The following NTMT2 variants were observed in gnomAD, a reference collection of about 807,000 sequenced individuals.
NTMT2 encodes N-terminal Xaa-Pro-Lys N-methyltransferase 2.
NTMT2 carries 21 observed loss-of-function variants against 23.4 expected under a neutral mutation model. The observed-to-expected ratio is 0.90, with a 90% CI of 0.64 to 1.29. The LOEUF (loss-of-function observed/expected upper bound fraction) is 1.29, where lower values mean the gene tolerates loss of function less well. Ranked by LOEUF, NTMT2 falls within the 50% of genes most tolerant of loss-of-function variation. The pLI, the probability that NTMT2 is intolerant of heterozygous loss-of-function variation, is 0.00. For missense variants in NTMT2, 336 were observed against 352.0 expected, an observed-to-expected ratio of 0.95 and a Z score of 0.36; for synonymous variants, 131 against 127.7, an observed-to-expected ratio of 1.03 and a Z score of -0.17.
At chr1:170,153,575 T>A (rs1388025131) in intron 1 of NTMT2, among the ~76,000 whole-genome samples, 2 of 152,232 alleles carry the variant, frequency 1.3e-5, no homozygotes, top group African/African-American at 4.8e-5. Flanking sequence ...TTGCATTGTA[T>A]CCATGTCCTA....
In NTMT2 at chr1:170,146,176, A is replaced by C. The variant is rs774765147; in HGVS notation, c.69A>C (p.Arg23Ser). ...RWQKTDDELC[R>S]HSMSFILHKA... ...AGAAGACCGACGATGAACTCTGTAG[A>C]CATAGCATGTCTTTTATCCTTCACA... Residue 23 changes from arginine (R) to serine (S), a missense_variant, in exon 1 of 4, where the codon AGA (arginine) becomes AGC (serine). Transcript: ENST00000439373. The C allele has an allele frequency of 8.4e-6, 13 of 1,551,380 alleles. No individual in the cohort carries two copies. The African/African-American group carries it at 1.2e-4, about 15-fold the overall frequency.
intron 2 of NTMT2, among the ~76,000 whole-genome samples, chr1:170,162,729 A>G (rs957048381): frequency 5.3e-5 from 8 of 152,184 alleles, no homozygotes; most frequent in African/African-American, 1.4e-4. Flanking sequence ...TAAGTTGTCA[A>G]GATTACACAG....
chr1:170,168,092 T>C lies in NTMT2; in HGVS notation c.*335T>C, dbSNP rs1399654676. 6.6e-6 allele frequency among the ~76,000 whole-genome samples: 1 copy of C among 151,472 alleles called. No individual in the cohort carries two copies. The highest frequency in any genetic ancestry group is 1.5e-5 in the Non-Finnish European group (1 of 67,898). ...GACAGCTGGCCTGCATCAGTATTTG[T>C]AAAAATTGTCTTTCACAACATCCTA... On this transcript the variant is annotated 3_prime_UTR_variant, in exon 4 of 4. Transcript: ENST00000439373.
chr1:170,146,063 G>A lies in NTMT2; in HGVS notation c.-45G>A. 1.3e-6 allele frequency: 2 copies of A among 1,509,908 alleles called. No individual in the cohort carries two copies. Among genetic ancestry groups the A allele is most frequent in the Non-Finnish European group, 1.8e-6 (2 of 1,124,398 alleles). 93.5% of individuals were successfully genotyped at this position (1,509,908 alleles called of 1,614,324 possible). A position where few individuals can be genotyped will look rare whatever the true frequency, so the allele number is the denominator to read the frequency against. On this transcript the variant is annotated 5_prime_UTR_variant, in exon 1 of 4. Coordinates refer to ENST00000439373, the MANE Select transcript of NTMT2 (RefSeq NM_001136107.2). ...AAGGCTAATTCAAAGAAACAGCAAG[G>A]CAAGCTTCCTTTCTCTGTAGGAATC...
intron 1 of NTMT2, among the ~76,000 whole-genome samples, chr1:170,158,647 T>C (rs897098242): frequency 3.9e-5 from 6 of 152,036 alleles, no homozygotes; most frequent in Non-Finnish European, 8.8e-5. Flanking sequence ...ATAATTTTCT[T>C]CCCTTCATTT....
chr1:170,159,420 G>GTTTTTTTTTTT (rs1673225599), intron 1 of NTMT2, among the ~76,000 whole-genome samples: 9 of 88,194 alleles, frequency 1.0e-4, no homozygotes, highest in African/African-American at 1.3e-4. Context: ...TTTATGCTCT[G>GTTTTTTTTTTT]GTTTTTTTTT....
At chr1:170,157,395 G>T (rs904534922) in intron 1 of NTMT2, among the ~76,000 whole-genome samples, 1 of 151,934 alleles carries the variant, frequency 6.6e-6, no homozygotes, top group African/African-American at 2.4e-5. Flanking sequence ...AATAATATTG[G>T]TGGCCTCCAG....
intron 1 of NTMT2, among the ~76,000 whole-genome samples, chr1:170,158,939 T>G (rs1673215515): frequency 6.6e-6 from 1 of 152,108 alleles, no homozygotes; most frequent in African/African-American, 2.4e-5. Context: ...TTGTTTTGGC[T>G]TAAATTCTCA....
chr1:170,161,426 T>A (rs762995650), intron 2 of NTMT2, among the ~76,000 whole-genome samples: 3 of 152,242 alleles, frequency 2.0e-5, no homozygotes, highest in African/African-American at 4.8e-5. Context: ...CCTTTTGTAG[T>A]CCTGCATTGG....
At position 170,168,059 on chromosome 1, in the gene NTMT2, G is replaced by C. The variant is rs191345012; in HGVS notation, c.*302G>C. Among the ~76,000 whole-genome samples the C allele has an allele frequency of 1.7e-4, 26 of 151,880 alleles. No homozygotes were observed. The highest frequency in any genetic ancestry group is 1.7e-3 in the Admixed American group (26 of 15,264). ...GTGCAAGCGTGCATGAAAACAGAAG[G>C]CATAAAGGACAGCTGGCCTGCATCA... On this transcript the variant is annotated 3_prime_UTR_variant, in exon 4 of 4. Transcript: ENST00000439373.
At chr1:170,167,460 C>T (rs1673416535) in intron 3 of NTMT2, 26 bp from the exon 4 acceptor site, 4 of 1,519,956 alleles carry the variant, frequency 2.6e-6, no homozygotes, top group African/African-American at 1.4e-5. Context: ...CTTCCTGTTC[C>T]CCCATCCACT....
At chr1:170,160,483 A>T (rs1000632348) in intron 1 of NTMT2, 35 bp from the exon 2 acceptor site, 1 of 1,417,916 alleles carries the variant, frequency 7.1e-7, no homozygotes, top group Non-Finnish European at 9.3e-7. Context: ...TTATCTTATA[A>T]ATATTAATAC....
chr1:170,157,632 CA>C (rs144021444), intron 1 of NTMT2, among the ~76,000 whole-genome samples: 4,311 of 152,156 alleles, frequency 0.028, 112 homozygotes, highest in Non-Finnish European at 0.045. Context: ...GAATACTATC[CA>C]ATGTCTCAGT....
intron 1 of NTMT2, among the ~76,000 whole-genome samples, chr1:170,146,884 A>T (rs1672974157): frequency 6.6e-6 from 1 of 152,196 alleles, no homozygotes; most frequent in Admixed American, 6.5e-5. Flanking sequence ...GAGCAATAAA[A>T]AGCTTATCTG....
chr1:170,152,342 C>T (rs1246597711), intron 1 of NTMT2, among the ~76,000 whole-genome samples: 1 of 152,168 alleles, frequency 6.6e-6, no homozygotes, highest in Non-Finnish European at 1.5e-5. Flanking sequence ...CTCCCCTTGA[C>T]TTCTGGCCTT....
chr1:170,158,195 T>G (rs1368101623), intron 1 of NTMT2: 1 of 152,098 alleles, frequency 6.6e-6, no homozygotes, highest in Non-Finnish European at 1.5e-5. Context: ...GGTGGCACTG[T>G]GCCATTGTTT....
chr1:170,146,122 A>G lies in NTMT2; in HGVS notation c.15A>G (p.Gly5=). The change falls in exon 1 of 4, where the codon GGA becomes GGG. Residue 5 remains glycine, a synonymous_variant. Coordinates refer to ENST00000439373, the MANE Select transcript of NTMT2 (RefSeq NM_001136107.2). The stretch of plus-strand genomic sequence containing the variant: ...CCCCCTTTGTCATGGCCCACCGGGG[A>G]GCCCATTTTGCCTTTAGATCCCGCT... MAHR[G]AHFAFRSRWQ... is the part of the protein sequence containing the mutation. The G allele has an allele frequency of 6.4e-7, 1 of 1,551,248 alleles. No individual in the cohort carries two copies. Among genetic ancestry groups the G allele is most frequent in the Non-Finnish European group, 8.7e-7 (1 of 1,146,760 alleles).
At chr1:170,148,181 C>CG (rs1673004029) in intron 1 of NTMT2, among the ~76,000 whole-genome samples, 1 of 118,816 alleles carries the variant, frequency 8.4e-6, no homozygotes, top group South Asian at 3.1e-4. Context: ...TGGAGTCTCA[C>CG]TGTGTCGCCC....
chr1:170,151,669 T>C (rs1673070528), intron 1 of NTMT2, among the ~76,000 whole-genome samples: 1 of 152,004 alleles, frequency 6.6e-6, no homozygotes, highest in South Asian at 2.1e-4. Flanking sequence ...GAAAATATAA[T>C]TTTCTTTTTT....
Sources: gnomAD v4.1 joint callset for allele counts (sites outside exome capture counted in the v4.1 genomes callset) on GRCh38, gnomAD v4.1.1 for gene constraint, MANE v1.5 for transcripts, NCBI Gene and HGNC (gene_info 2026-07-23, HGNC 2026-07-21) for gene names.